CRCP: variants seen among roughly 807,000 people sequenced by gnomAD.
CRCP encodes CGRP receptor component, also known as DNA-directed RNA polymerase III subunit RPC9.
CRCP carries 18 observed loss-of-function variants against 18.5 expected under a neutral mutation model. The ratio of observed to expected loss-of-function variants is 0.97; its 90% CI spans 0.67 to 1.44. The LOEUF (loss-of-function observed/expected upper bound fraction) is 1.44, where lower values mean the gene tolerates loss of function less well. CRCP is among the 40% of genes most tolerant of loss of function. The pLI, the probability that CRCP is intolerant of heterozygous loss-of-function variation, is 0.00. For missense variants in CRCP, 130 were observed against 176.4 expected, an observed-to-expected ratio of 0.74 and a Z score of 1.49; for synonymous variants, 53 against 62.9, an observed-to-expected ratio of 0.84 and a Z score of 0.75.
At chr7:66,131,519 C>G (rs1195042678) in intron 3 of CRCP, among the ~76,000 whole-genome samples, 1 of 152,012 alleles carries the variant, frequency 6.6e-6, no homozygotes, top group Non-Finnish European at 1.5e-5. Context: ...TGTTGTTGTC[C>G]AGGCTGGTCT....
At position 66,130,097 on chromosome 7, in the gene CRCP, C is replaced by CTTTTTTTTT. The variant is rs35682014; in HGVS notation, c.46-629_46-621dup. ...ATTTTTATACTAGAGAAGCAGGATT[C>CTTTTTTTTT]TTTTTTTTTTTTTTTTTTTTTTTTT... On this transcript the variant is annotated intron_variant, in intron 2 of 5. Transcript: ENST00000395326. The CTTTTTTTTT allele has an allele frequency of 1.5e-4, 15 of 100,574 alleles. 2 individuals carry two copies. The highest frequency in any genetic ancestry group is 4.5e-4 in the Admixed American group (2 of 4,458). The allele number at this position is 100,574 out of a possible 1,614,324, so 6.2% of individuals were successfully genotyped here. A position where few individuals can be genotyped will look rare whatever the true frequency, so the allele number is the denominator to read the frequency against.
rs1020968889 is a variant in CRCP, at chr7:66,124,547, C to A, written c.9-3157C>A. Among the ~76,000 whole-genome samples the A allele has an allele frequency of 7.4e-5, 10 of 135,788 alleles. No individual in the cohort carries two copies. The South Asian group carries it at 2.8e-3, about 37-fold the overall frequency. 89.1% of individuals were successfully genotyped at this position (135,788 alleles called of 152,430 possible). On this transcript the variant is annotated intron_variant, in intron 1 of 5. Transcript: ENST00000395326. ...TCCTCCCTCCTTCCCTTCCTTCCTT[C>A]CTTTCTTTCTTCCTTTCTTGTTTTT...
chr7:66,127,489 G>C (rs1031666714), intron 1 of CRCP, among the ~76,000 whole-genome samples: 1 of 152,214 alleles, frequency 6.6e-6, no homozygotes, highest in Non-Finnish European at 1.5e-5. Flanking sequence ...ATGGCTGTGG[G>C]ATGGGACAGC....
chr7:66,144,217 GTTTC>G (rs1163994531), intron 4 of CRCP, among the ~76,000 whole-genome samples: 1 of 152,120 alleles, frequency 6.6e-6, no homozygotes, highest in African/African-American at 2.4e-5. Flanking sequence ...GCAATGATCT[GTTTC>G]TTTCTTTGAG....
chr7:66,121,477 T>G (rs1787440449), intron 1 of CRCP, among the ~76,000 whole-genome samples: 1 of 151,896 alleles, frequency 6.6e-6, no homozygotes, highest in Non-Finnish European at 1.5e-5. Context: ...TTTTTTTTTT[T>G]GAGATGGAGT....
rs551845806 is a variant in CRCP at position 66,125,990 on chromosome 7, A to G, written c.9-1714A>G. Among the ~76,000 whole-genome samples, 3 of 149,488 alleles carry G rather than the reference A, an allele frequency of 2.0e-5. No individual in the cohort carries two copies. In the Admixed American group the frequency reaches 2.0e-4, roughly 10 times the overall value. ...CATGTGGTTTGATTTGTCATTTTCA[A>G]TTTTAAATGAACTCTGTCACATGCA... On this transcript the variant is annotated intron_variant, in intron 1 of 5. Transcript: ENST00000395326.
chr7:66,136,564 C>G (rs1283692521), intron 4 of CRCP, among the ~76,000 whole-genome samples: 1 of 150,562 alleles, frequency 6.6e-6, no homozygotes. Context: ...GGGTTTCACT[C>G]TATTGGCCAG....
intron 4 of CRCP, among the ~76,000 whole-genome samples, chr7:66,138,311 G>A (rs552574200): frequency 2.9e-4 from 44 of 152,124 alleles, no homozygotes; most frequent in African/African-American, 1.1e-3. Flanking sequence ...GGCTGAGGCG[G>A]GAAGATCACT....
At chr7:66,141,281 G>A (rs999460693) in intron 4 of CRCP, among the ~76,000 whole-genome samples, 4 of 152,074 alleles carry the variant, frequency 2.6e-5, no homozygotes, top group African/African-American at 9.7e-5. Context: ...GTTGACTGTA[G>A]TCACCCTGTT....
At chr7:66,119,055 C>T (rs970001328) in intron 1 of CRCP, among the ~76,000 whole-genome samples, 1 of 151,816 alleles carries the variant, frequency 6.6e-6, no homozygotes, top group Non-Finnish European at 1.5e-5. Flanking sequence ...GGGGGTCCTG[C>T]CCCTTACCCA....
At chr7:66,140,127 G>A (rs1788090116) in intron 4 of CRCP, among the ~76,000 whole-genome samples, 1 of 152,246 alleles carries the variant, frequency 6.6e-6, no homozygotes, top group South Asian at 2.1e-4. Context: ...TGAGTTGTGA[G>A]CTCCTCCTGG....
At chr7:66,142,835 T>G (rs1359120889) in intron 4 of CRCP, among the ~76,000 whole-genome samples, 1 of 152,108 alleles carries the variant, frequency 6.6e-6, no homozygotes, top group African/African-American at 2.4e-5. Context: ...TATGGTGTTC[T>G]GTCCTGGTCT....
intron 3 of CRCP, among the ~76,000 whole-genome samples, chr7:66,132,292 G>T (rs143868088): frequency 6.6e-6 from 1 of 152,138 alleles, no homozygotes; most frequent in Non-Finnish European, 1.5e-5. Context: ...TTTGTATTTA[G>T]TTAACATGTC....
chr7:66,119,270 G>A (rs771092334), intron 1 of CRCP, among the ~76,000 whole-genome samples: 46 of 152,194 alleles, frequency 3.0e-4, no homozygotes, highest in Non-Finnish European at 5.0e-4. Flanking sequence ...GTTTCTGGAG[G>A]GTGGTATGCC....
intron 1 of CRCP, among the ~76,000 whole-genome samples, chr7:66,115,697 TA>T (rs1440110442): frequency 2.0e-5 from 3 of 152,234 alleles, no homozygotes; most frequent in African/African-American, 7.2e-5. Context: ...TTGTAGGTAT[TA>T]CTATCTTGTG....
intron 4 of CRCP, among the ~76,000 whole-genome samples, chr7:66,141,550 T>C (rs1788139172): frequency 6.6e-6 from 1 of 151,898 alleles, no homozygotes; most frequent in African/African-American, 2.4e-5. Flanking sequence ...TGCCAGAGCC[T>C]CTCTGGAGAA....
intron 1 of CRCP, among the ~76,000 whole-genome samples, chr7:66,115,623 G>A (rs1313308828): frequency 5.3e-5 from 8 of 152,098 alleles, no homozygotes; most frequent in Non-Finnish European, 8.8e-5. Context: ...TGCTCGTTGC[G>A]CCTGGTGCAA....
chr7:66,126,337 A>G (rs75872929), intron 1 of CRCP, among the ~76,000 whole-genome samples: 4,280 of 128,514 alleles, frequency 0.033, 479 homozygotes, highest in Non-Finnish European at 0.043. Flanking sequence ...TCCTGGTTTA[A>G]GAACATACAG....
chr7:66,130,564 T>G (rs2115930862), intron 2 of CRCP, among the ~76,000 whole-genome samples, 180 bp from the exon 3 acceptor site: 1 of 152,342 alleles, frequency 6.6e-6, no homozygotes, highest in Middle Eastern at 3.4e-3. Context: ...AAAGAACATT[T>G]TTTAAAAATG....
Sources: gnomAD v4.1 joint callset for allele counts (sites outside exome capture counted in the v4.1 genomes callset) on GRCh38, gnomAD v4.1.1 for gene constraint, MANE v1.5 for transcripts, NCBI Gene and HGNC (gene_info 2026-07-23, HGNC 2026-07-21) for gene names.